The following MGAT4A variants were observed in gnomAD, a reference collection of about 807,000 sequenced individuals.
MGAT4A encodes N-acetylglucosaminyltransferase IVa.
Under a neutral mutation model 74.1 loss-of-function variants are expected in MGAT4A, and 33 were observed. The ratio of observed to expected loss-of-function variants is 0.45; its 90% CI spans 0.34 to 0.60. The LOEUF (loss-of-function observed/expected upper bound fraction) is 0.60. MGAT4A is among the 20% of genes least tolerant of loss of function. The pLI is 0.02. For missense variants in MGAT4A, 479 were observed against 628.3 expected (o/e 0.76, Z 2.54); for synonymous variants, 198 against 210.4 (o/e 0.94, Z 0.51).
chr2:98,647,228 C>A (rs771378020), intron 8 of MGAT4A, among the ~76,000 whole-genome samples: 15 of 152,200 alleles, frequency 9.9e-5, no homozygotes, highest in Non-Finnish European at 1.3e-4. Flanking sequence ...ATTTATAATG[C>A]AGCAATGAGG....
Position 98,624,353 on chromosome 2 carries a change from G to T in MGAT4A, c.*1213C>A. The T allele has an allele frequency of 1.0e-6, 1 of 972,288 alleles. No individual in the cohort carries two copies. The highest frequency in any genetic ancestry group is 1.2e-6 in the Non-Finnish European group (1 of 818,012). 60.2% of individuals were successfully genotyped at this position (972,288 alleles called of 1,614,324 possible). A position where few individuals can be genotyped will look rare whatever the true frequency, so the allele number is the denominator to read the frequency against. ...TAAAAGTACTTTTATAAAGATCACT[G>T]ATTGCTGAGACCGGTAATATTCTTT... On this transcript the variant is annotated 3_prime_UTR_variant, in exon 16 of 16. Transcript: ENST00000393487.
rs977194626 is a variant in MGAT4A at position 98,623,132 on chromosome 2, G to C, written c.*2434C>G. 3.0e-6 allele frequency: 3 copies of C among 985,332 alleles called. No homozygotes were observed. Among genetic ancestry groups the C allele is most frequent in the African/African-American group, 3.5e-5 (2 of 57,220 alleles). The allele number at this position is 985,332 out of a possible 1,614,324, so 61.0% of individuals were successfully genotyped here. On this transcript the variant is annotated 3_prime_UTR_variant, in exon 16 of 16. Transcript: ENST00000393487. Reference sequence around the variant, plus strand: ...GTGCCTGGCACACACCCTAGGCACGGGTAGATTCATGGGGAGAGAAGCACA... The same window carrying C: ...GTGCCTGGCACACACCCTAGGCACGCGTAGATTCATGGGGAGAGAAGCACA...
Position 98,625,344 on chromosome 2 carries a change from TA to T in MGAT4A, c.*221del. 15 of 1,331,108 alleles carry T rather than the reference TA, an allele frequency of 1.1e-5. No individual in the cohort carries two copies. The South Asian group carries it at 2.4e-4, about 21-fold the overall frequency. The allele number at this position is 1,331,108 out of a possible 1,614,324, so 82.5% of individuals were successfully genotyped here. A position where few individuals can be genotyped will look rare whatever the true frequency, so the allele number is the denominator to read the frequency against. ...TACAAGTCATATTAACAGGCTGTCA[TA>T]ATTGAAAAATGTTTGAGTCAAGTTA... is the stretch of plus-strand genomic sequence containing the variant. On this transcript the variant is annotated 3_prime_UTR_variant, in exon 16 of 16. Coordinates refer to ENST00000393487, the MANE Select transcript of MGAT4A (RefSeq NM_012214.3).
chr2:98,707,594 A>T (rs1313369431), intron 2 of MGAT4A, among the ~76,000 whole-genome samples: 2 of 152,192 alleles, frequency 1.3e-5, no homozygotes, highest in Admixed American at 6.5e-5. Context: ...GCGGAATGAG[A>T]GGGGAGAAAA....
At chr2:98,706,552 T>C (rs556096223) in intron 2 of MGAT4A, among the ~76,000 whole-genome samples, 44 of 151,112 alleles carry the variant, frequency 2.9e-4, no homozygotes, top group South Asian at 1.0e-3. Flanking sequence ...ATGGTCTCGA[T>C]CTCCTGACCT....
In MGAT4A at chr2:98,622,497, C is replaced by T. The variant is rs1213439739; in HGVS notation, c.*3069G>A. The T allele has an allele frequency of 7.1e-6, 7 of 985,300 alleles. No homozygotes were observed. Among genetic ancestry groups the T allele is most frequent in the Admixed American group, 6.2e-5 (1 of 16,254 alleles). 61.0% of individuals were successfully genotyped at this position (985,300 alleles called of 1,614,324 possible). ...CATTTACTATTTTGGTAAAATGATT[C>T]GGCGCCCTCTCAAGGCAAAGTATTT... On this transcript the variant is annotated 3_prime_UTR_variant, in exon 16 of 16. Transcript: ENST00000393487.
chr2:98,664,959 A>G (rs1243187807), intron 4 of MGAT4A, among the ~76,000 whole-genome samples: 1 of 152,204 alleles, frequency 6.6e-6, no homozygotes, highest in African/African-American at 2.4e-5. Context: ...AGTATTTTAA[A>G]TATGGTAAAA....
At chr2:98,678,232 A>AG in intron 3 of MGAT4A, 72 bp downstream of exon 3, 1 of 323,544 alleles carries the variant, frequency 3.1e-6, no homozygotes, top group Admixed American at 7.6e-5. Context: ...TCTGTCTCAA[A>AG]GAAAAAAAAA....
At chr2:98,650,716 C>G (rs1188313199) in intron 8 of MGAT4A, among the ~76,000 whole-genome samples, 1 of 152,082 alleles carries the variant, frequency 6.6e-6, no homozygotes, top group South Asian at 2.1e-4. Flanking sequence ...TTTGGGAGAC[C>G]GAGGCAGGTG....
In MGAT4A at chr2:98,705,227, G is replaced by A. The variant is rs140806512; in HGVS notation, c.94+21012C>T. On this transcript the variant is annotated intron_variant, in intron 2 of 15. Coordinates refer to ENST00000393487, the MANE Select transcript of MGAT4A (RefSeq NM_012214.3). Reference sequence around the variant, plus strand: ...CATTTTAAGCACGGATTGCAATGCTGTGCAGGTTTCACAGGTGTGATTAAT... The same window carrying A: ...CATTTTAAGCACGGATTGCAATGCTATGCAGGTTTCACAGGTGTGATTAAT... Among the ~76,000 whole-genome samples the A allele has an allele frequency of 7.2e-5, 11 of 152,324 alleles. No individual in the cohort carries two copies. In the East Asian group the frequency reaches 1.5e-3, roughly 21 times the overall value.
rs543556299 is a variant in MGAT4A at position 98,680,312 on chromosome 2, G to A, written c.95-1841C>T. 2.0e-5 allele frequency among the ~76,000 whole-genome samples: 3 copies of A among 152,254 alleles called. No homozygotes were observed. The South Asian group carries it at 6.2e-4, about 32-fold the overall frequency. Reference sequence around the variant, plus strand: ...ACCTGCCTCAGCATCTGAAAGTACTGGAATTACAGGCATGAGCCACTGCGC... The same window carrying A: ...ACCTGCCTCAGCATCTGAAAGTACTAGAATTACAGGCATGAGCCACTGCGC... On this transcript the variant is annotated intron_variant, in intron 2 of 15. Coordinates refer to ENST00000393487, the MANE Select transcript of MGAT4A (RefSeq NM_012214.3).
intron 14 of MGAT4A, among the ~76,000 whole-genome samples, chr2:98,631,793 G>A (rs189008694): frequency 5.5e-4 from 83 of 152,290 alleles, no homozygotes; most frequent in Non-Finnish European, 7.1e-4. Flanking sequence ...AAGAGACCCC[G>A]GGATACAGAA....
At chr2:98,664,200 C>CAA (rs57981145) in intron 4 of MGAT4A, among the ~76,000 whole-genome samples, 715 of 51,138 alleles carry the variant, frequency 0.014, 5 homozygotes, top group Middle Eastern at 0.021. Flanking sequence ...GATTCCATCT[C>CAA]AAAAAAAAAA....
chr2:98,710,515 A>G (rs1326972376), intron 2 of MGAT4A, among the ~76,000 whole-genome samples: 2 of 152,168 alleles, frequency 1.3e-5, no homozygotes, highest in Admixed American at 6.5e-5. Flanking sequence ...GCTGGAGTGC[A>G]GTGGCCCGAA....
intron 2 of MGAT4A, among the ~76,000 whole-genome samples, chr2:98,717,418 A>G (rs1422840453): frequency 6.6e-6 from 1 of 151,828 alleles, no homozygotes; most frequent in Non-Finnish European, 1.5e-5. Flanking sequence ...TGCATACTGG[A>G]AGAAAGTAGG....
rs534475067 is a variant in MGAT4A, at chr2:98,691,723, G to A, written c.95-13252C>T. ...CTGCTCATAGGAAAAAAAGTTACCTGGAAAACAGCCTCAGGTCCTTCAGAA... is the reference window on the plus strand; with the variant it reads ...CTGCTCATAGGAAAAAAAGTTACCTAGAAAACAGCCTCAGGTCCTTCAGAA... On this transcript the variant is annotated intron_variant, in intron 2 of 15. Coordinates refer to ENST00000393487, the MANE Select transcript of MGAT4A (RefSeq NM_012214.3). Among the ~76,000 whole-genome samples the A allele has an allele frequency of 3.4e-4, 52 of 152,248 alleles. 1 individual carries two copies. Among genetic ancestry groups the A allele is most frequent in the African/African-American group, 1.2e-3 (51 of 41,536 alleles).
chr2:98,633,689 A>C (rs1195100259), intron 14 of MGAT4A, among the ~76,000 whole-genome samples: 1 of 152,226 alleles, frequency 6.6e-6, no homozygotes, highest in Non-Finnish European at 1.5e-5. Flanking sequence ...TTCTAAGAAC[A>C]TATGAGTTGA....
chr2:98,698,274 G>T (rs1229191794), intron 2 of MGAT4A, among the ~76,000 whole-genome samples: 1 of 152,068 alleles, frequency 6.6e-6, no homozygotes, highest in African/African-American at 2.4e-5. Flanking sequence ...AATTAGCCAG[G>T]TGTGGTGATG....
At chr2:98,637,591 A>G (rs756733433) in intron 12 of MGAT4A, among the ~76,000 whole-genome samples, 3 of 152,108 alleles carry the variant, frequency 2.0e-5, no homozygotes, top group Non-Finnish European at 2.9e-5. Flanking sequence ...GGGTGTGGGG[A>G]AGGGAGGAAA....
Sources: allele counts gnomAD v4.1 joint callset (sites outside exome capture counted in the v4.1 genomes callset), GRCh38; gene constraint gnomAD v4.1.1; transcripts MANE v1.5; gene names NCBI Gene and HGNC (gene_info 2026-07-23, HGNC 2026-07-21).